The following UNC5D variants were observed in gnomAD, a reference collection of about 807,000 sequenced individuals.
UNC5D encodes the protein unc-5 netrin receptor D, also known as netrin receptor UNC5D.
Under a neutral mutation model 105.4 loss-of-function variants are expected in UNC5D, and 39 were observed. That is an observed-to-expected ratio of 0.37 (90% CI 0.29 to 0.48). The LOEUF is 0.48. Among genes scored for constraint, UNC5D ranks in the 20% least tolerant of loss-of-function variants. The pLI is 0.98. For synonymous variants in UNC5D, 452 were observed against 450.4 expected, an observed-to-expected ratio of 1.00 and a Z score of -0.04; for missense variants, 991 against 1,202.4, an observed-to-expected ratio of 0.82 and a Z score of 2.60.
intron 4 of UNC5D, among the ~76,000 whole-genome samples, chr8:35,658,329 A>ATCCAACAT (rs1358550680): frequency 2.0e-5 from 3 of 152,234 alleles, no homozygotes; most frequent in Non-Finnish European, 4.4e-5. Flanking sequence ...CAGCATGTAC[A>ATCCAACAT]TCCAACATTA....
chr8:35,584,832 A>G (rs775325012), intron 3 of UNC5D, among the ~76,000 whole-genome samples: 1 of 152,116 alleles, frequency 6.6e-6, no homozygotes. Flanking sequence ...TTATTCTTCA[A>G]GCCTGGTCTG....
chr8:35,337,373 C>T (rs1407879742), intron 1 of UNC5D, among the ~76,000 whole-genome samples: 2 of 152,204 alleles, frequency 1.3e-5, no homozygotes, highest in Non-Finnish European at 1.5e-5. Flanking sequence ...CAGTGTCTTA[C>T]TTAGATCTTG....
chr8:35,717,876 AG>A (rs978037224), intron 8 of UNC5D, among the ~76,000 whole-genome samples: 3 of 152,228 alleles, frequency 2.0e-5, no homozygotes, highest in African/African-American at 7.2e-5. Flanking sequence ...CAAGATCACC[AG>A]GAAGTCACTT....
chr8:35,538,326 T>C (rs1234903507), intron 1 of UNC5D, among the ~76,000 whole-genome samples: 3 of 146,060 alleles, frequency 2.1e-5, no homozygotes, highest in African/African-American at 7.6e-5. Flanking sequence ...GATTAGGCAC[T>C]GAAGCTAGTG....
Position 35,235,829 on chromosome 8 carries a change from C to G in UNC5D, c.45C>G (p.Arg15=). The part of the protein sequence containing the change: ...AATAGGGGGA[R]RWLPWLGLCF... ...CCGCAGGCGGCGGCGGAGGGGCGCG[C>G]CGCTGGCTCCCGTGGCTGGGGCTGT... The change falls in exon 1 of 17, where the codon CGC becomes CGG. Residue 15 remains arginine, a synonymous_variant. Coordinates refer to ENST00000404895, the MANE Select transcript of UNC5D (RefSeq NM_080872.4). 8.1e-7 allele frequency: 1 copy of G among 1,230,244 alleles called. No individual in the cohort carries two copies. The highest frequency in any genetic ancestry group is 1.0e-6 in the Non-Finnish European group (1 of 986,690). 76.2% of individuals were successfully genotyped at this position (1,230,244 alleles called of 1,614,324 possible). A position where few individuals can be genotyped will look rare whatever the true frequency, so the allele number is the denominator to read the frequency against.
chr8:35,773,733 T>C (rs1043341478), intron 15 of UNC5D, among the ~76,000 whole-genome samples: 7 of 152,166 alleles, frequency 4.6e-5, no homozygotes, highest in Non-Finnish European at 7.3e-5. Context: ...TGTTTTGTTT[T>C]TTGTTTGAGG....
chr8:35,299,921 G>A (rs1300045035), intron 1 of UNC5D, among the ~76,000 whole-genome samples: 1 of 152,138 alleles, frequency 6.6e-6, no homozygotes, highest in East Asian at 1.9e-4. Context: ...AAGGCAAAGT[G>A]CAGAAGGGTT....
At chr8:35,571,253 C>T (rs1324656032) in intron 3 of UNC5D, among the ~76,000 whole-genome samples, 1 of 152,136 alleles carries the variant, frequency 6.6e-6, no homozygotes, top group East Asian at 1.9e-4. Flanking sequence ...ACTATTTTGT[C>T]ACTCTTCTGT....
chr8:35,307,121 G>GA (rs10711574), intron 1 of UNC5D, among the ~76,000 whole-genome samples: 1 of 151,570 alleles, frequency 6.6e-6, no homozygotes, highest in African/African-American at 2.4e-5. Context: ...AGCTAAAAAA[G>GA]AAAAAAAAAA....
intron 1 of UNC5D, among the ~76,000 whole-genome samples, chr8:35,390,861 T>G (rs998783999): frequency 9.2e-5 from 14 of 152,344 alleles, no homozygotes; most frequent in African/African-American, 3.4e-4. Context: ...TACCATGTAT[T>G]CTCCCTATTG....
intron 1 of UNC5D, among the ~76,000 whole-genome samples, chr8:35,284,083 T>G (rs1246212588): frequency 1.3e-5 from 2 of 152,216 alleles, no homozygotes; most frequent in African/African-American, 4.8e-5. Context: ...ATCTTGGTCT[T>G]GGCCAGTTTT....
chr8:35,452,157 A>G (rs892824796), intron 1 of UNC5D, among the ~76,000 whole-genome samples: 1 of 152,242 alleles, frequency 6.6e-6, no homozygotes, highest in Non-Finnish European at 1.5e-5. Context: ...ATATGAATCA[A>G]TATTGTGAAT....
chr8:35,487,566 TACACACACAC>T (rs3048025), intron 1 of UNC5D, among the ~76,000 whole-genome samples: 1 of 112,984 alleles, frequency 8.9e-6, no homozygotes, highest in Admixed American at 1.1e-4. Context: ...TCTCTCTCTG[TACACACACAC>T]ACACACACAC....
At chr8:35,412,311 G>T (rs183781238) in intron 1 of UNC5D, among the ~76,000 whole-genome samples, 1 of 152,096 alleles carries the variant, frequency 6.6e-6, no homozygotes, top group East Asian at 1.9e-4. Context: ...TAGATTGGTG[G>T]TATTGGCTCT....
At chr8:35,684,923 A>T (rs182994472) in intron 6 of UNC5D, among the ~76,000 whole-genome samples, 174 bp downstream of exon 6, 2 of 152,328 alleles carry the variant, frequency 1.3e-5, no homozygotes, top group Non-Finnish European at 2.9e-5. Context: ...ACATGGGTGA[A>T]ATACCACGGT....
intron 7 of UNC5D, among the ~76,000 whole-genome samples, chr8:35,695,392 G>A (rs1030440616): frequency 2.0e-5 from 3 of 152,124 alleles, no homozygotes; most frequent in African/African-American, 7.2e-5. Flanking sequence ...ACATGGTTGT[G>A]CACACCTATA....
intron 1 of UNC5D, among the ~76,000 whole-genome samples, chr8:35,463,046 G>A (rs1328214603): frequency 6.6e-6 from 1 of 152,206 alleles, no homozygotes; most frequent in Admixed American, 6.5e-5. Flanking sequence ...TAGAGGCTGA[G>A]TCTGTATTCT....
intron 1 of UNC5D, among the ~76,000 whole-genome samples, chr8:35,421,853 ATAAAACT>A (rs1279548290): frequency 6.6e-6 from 1 of 152,174 alleles, no homozygotes; most frequent in Non-Finnish European, 1.5e-5. Context: ...ATAGTGAGAA[ATAAAACT>A]TAAACTCATC....
intron 4 of UNC5D, among the ~76,000 whole-genome samples, chr8:35,677,318 G>A (rs749694338): frequency 2.6e-5 from 4 of 152,122 alleles, no homozygotes; most frequent in Non-Finnish European, 5.9e-5. Flanking sequence ...ATGAGTGTGA[G>A]CTCATTCCTC....
Sources: allele counts gnomAD v4.1 joint callset (sites outside exome capture counted in the v4.1 genomes callset), GRCh38; gene constraint gnomAD v4.1.1; transcripts MANE v1.5; gene names NCBI Gene and HGNC (gene_info 2026-07-23, HGNC 2026-07-21).